PDK1: variants seen among roughly 807,000 people sequenced by gnomAD.
PDK1 encodes the protein [Pyruvate dehydrogenase (acetyl-transferring)] kinase isozyme 1, mitochondrial.
In PDK1, 39 loss-of-function variants were observed where a neutral mutation model predicts 54.2. That is an observed-to-expected ratio of 0.72 (90% CI 0.56 to 0.94). The LOEUF is 0.94. Among genes scored for constraint, PDK1 ranks in the 40% least tolerant of loss-of-function variants. The pLI is 0.00. For missense variants in PDK1, 552 were observed against 566.0 expected (o/e 0.98, Z 0.25); for synonymous variants, 221 against 207.1 (o/e 1.07, Z -0.58).
chr2:172,627,743 C>T, the PDK1 span, among the ~76,000 whole-genome samples: 1 of 152,118 alleles, frequency 6.6e-6, no homozygotes, highest in Non-Finnish European at 1.5e-5. Context: ...AAGCAAGAGC[C>T]AAGGAAGCTA....
At position 172,578,260 on chromosome 2, in the gene PDK1, A is replaced by G. The variant is rs561617944; in HGVS notation, c.945+7436A>G. ...CTGTTTCTCAGACTGGATAATTTCAATTGACCTGTCTTCACTCTCACTGAT... is the reference window on the plus strand; with the variant it reads ...CTGTTTCTCAGACTGGATAATTTCAGTTGACCTGTCTTCACTCTCACTGAT... On this transcript the variant is annotated intron_variant, in intron 8 of 10. Coordinates refer to ENST00000282077, the MANE Select transcript of PDK1 (RefSeq NM_002610.5). Among the ~76,000 whole-genome samples the G allele has an allele frequency of 7.9e-5, 12 of 152,320 alleles. No homozygotes were observed. The East Asian group carries it at 9.6e-4, about 12-fold the overall frequency.
the PDK1 span, among the ~76,000 whole-genome samples, chr2:172,643,864 TA>T: frequency 1.5e-3 from 223 of 152,328 alleles, 1 homozygote; most frequent in African/African-American, 5.2e-3. Flanking sequence ...AACAGTTTAA[TA>T]GCTTGATTTA....
the PDK1 span, among the ~76,000 whole-genome samples, chr2:172,721,527 G>A: frequency 5.9e-5 from 9 of 152,006 alleles, no homozygotes; most frequent in Non-Finnish European, 1.3e-4. Flanking sequence ...TAGCAGAGAC[G>A]GGGTTTCACC....
At chr2:172,700,325 G>GAT in the PDK1 span, among the ~76,000 whole-genome samples, 1 of 149,632 alleles carries the variant, frequency 6.7e-6, no homozygotes, top group African/African-American at 2.5e-5. Context: ...CTTCCCAGAC[G>GAT]GGGCGGCCGG....
the PDK1 span, among the ~76,000 whole-genome samples, chr2:172,637,816 C>A: frequency 1.3e-4 from 20 of 152,286 alleles, no homozygotes; most frequent in African/African-American, 4.6e-4. Flanking sequence ...GTGCCTCAGC[C>A]TCCCGAGCAG....
the PDK1 span, among the ~76,000 whole-genome samples, chr2:172,627,285 G>T: frequency 6.6e-6 from 1 of 152,130 alleles, no homozygotes; most frequent in Non-Finnish European, 1.5e-5. Context: ...TGCAATACAG[G>T]TTTCATAAAG....
At chr2:172,577,678 C>T (rs1689652089) in intron 8 of PDK1, among the ~76,000 whole-genome samples, 1 of 152,080 alleles carries the variant, frequency 6.6e-6, no homozygotes, top group Non-Finnish European at 1.5e-5. Context: ...TACCAATTTG[C>T]TTTCAATAGT....
the PDK1 span, among the ~76,000 whole-genome samples, chr2:172,629,310 C>T: frequency 6.6e-6 from 1 of 152,210 alleles, no homozygotes; most frequent in South Asian, 2.1e-4. Flanking sequence ...TTTTCCAAAA[C>T]CATCCTGGCC....
intron 8 of PDK1, among the ~76,000 whole-genome samples, chr2:172,575,806 A>G (rs1689546641): frequency 6.6e-6 from 1 of 152,206 alleles, no homozygotes; most frequent in Non-Finnish European, 1.5e-5. Flanking sequence ...TGGGTGACAG[A>G]TCAAGACTCT....
intron 8 of PDK1, among the ~76,000 whole-genome samples, chr2:172,574,701 TATTA>T (rs1440026010): frequency 2.0e-5 from 3 of 152,242 alleles, no homozygotes; most frequent in Non-Finnish European, 4.4e-5. Context: ...GGAATTGTTC[TATTA>T]ATTCCATTTT....
chr2:172,660,749 C>T, the PDK1 span, among the ~76,000 whole-genome samples: 2 of 151,924 alleles, frequency 1.3e-5, no homozygotes, highest in African/African-American at 4.8e-5. Context: ...TCTGTGGACA[C>T]TTTGGGTTTC....
intron 8 of PDK1, among the ~76,000 whole-genome samples, chr2:172,575,832 ATAAT>A (rs1273140707): frequency 1.3e-5 from 2 of 152,124 alleles, no homozygotes; most frequent in African/African-American, 4.8e-5. Flanking sequence ...TCAAATAATA[ATAAT>A]TAAATAAATA....
the PDK1 span, among the ~76,000 whole-genome samples, chr2:172,664,528 T>C: frequency 6.6e-6 from 1 of 152,264 alleles, no homozygotes; most frequent in Middle Eastern, 3.4e-3. Flanking sequence ...ATTTTTCCCA[T>C]TACTCAGTGA....
chr2:172,701,687 CTTCTAG>C, the PDK1 span, among the ~76,000 whole-genome samples: 10 of 124,884 alleles, frequency 8.0e-5, no homozygotes, highest in Admixed American at 8.8e-4. Flanking sequence ...TCTATTTCTA[CTTCTAG>C]TTCTGTTAAT....
At chr2:172,694,746 T>TA in the PDK1 span, among the ~76,000 whole-genome samples, 1 of 152,236 alleles carries the variant, frequency 6.6e-6, no homozygotes, top group Non-Finnish European at 1.5e-5. Context: ...TACTTGTTTT[T>TA]ATTAATCTTT....
intron 8 of PDK1, among the ~76,000 whole-genome samples, chr2:172,575,209 ATT>A (rs1360610591): frequency 2.0e-5 from 3 of 152,032 alleles, no homozygotes; most frequent in African/African-American, 7.2e-5. Flanking sequence ...ATAAGTCTCA[ATT>A]TTTTTATGGT....
At chr2:172,589,908 A>C (rs1690476618) in intron 9 of PDK1, among the ~76,000 whole-genome samples, 1 of 152,218 alleles carries the variant, frequency 6.6e-6, no homozygotes, top group Non-Finnish European at 1.5e-5. Context: ...CAGACACGGA[A>C]TGATATGTTT....
chr2:172,561,883 C>T (rs973149957), intron 2 of PDK1, among the ~76,000 whole-genome samples: 3 of 152,136 alleles, frequency 2.0e-5, no homozygotes, highest in Non-Finnish European at 4.4e-5. Context: ...CACATAGTTA[C>T]TGGTGACAGA....
chr2:172,617,032 C>T, the PDK1 span, among the ~76,000 whole-genome samples: 1 of 152,152 alleles, frequency 6.6e-6, no homozygotes, highest in African/African-American at 2.4e-5. Flanking sequence ...TCACTGCAAC[C>T]TCCACCTCCT....
Sources: gnomAD v4.1 joint callset for allele counts (sites outside exome capture counted in the v4.1 genomes callset) on GRCh38, gnomAD v4.1.1 for gene constraint, MANE v1.5 for transcripts, NCBI Gene and HGNC (gene_info 2026-07-23, HGNC 2026-07-21) for gene names.